FAM91A1: variants seen among roughly 807,000 people sequenced by gnomAD.
The protein encoded by FAM91A1 is protein FAM91A1.
Under a neutral mutation model 113.5 loss-of-function variants are expected in FAM91A1, and 41 were observed. The ratio of observed to expected loss-of-function variants is 0.36; its 90% CI spans 0.28 to 0.47. FAM91A1 has a LOEUF of 0.47. FAM91A1 is among the 20% of genes least tolerant of loss of function. The pLI is 1.00. For missense variants in FAM91A1, 696 were observed against 1,001.2 expected (o/e 0.70, Z 4.11); for synonymous variants, 307 against 347.9 (o/e 0.88, Z 1.31).
intron 11 of FAM91A1, chr8:123,785,978 C>T (rs1197323622): frequency 2.2e-6 from 1 of 458,102 alleles, no homozygotes; most frequent in Non-Finnish European, 4.2e-6. Flanking sequence ...CCACCATGCC[C>T]AGCTAATTTT....
intron 20 of FAM91A1, among the ~76,000 whole-genome samples, chr8:123,806,901 CT>C (rs111568076): frequency 0.18 from 25,765 of 146,102 alleles, 2,643 homozygotes; most frequent in African/African-American, 0.29. Context: ...ATATCACTTA[CT>C]TTTTTTTTTT....
chr8:123,787,579 T>C, intron 13 of FAM91A1, 85 bp from the exon 14 acceptor site: 1 of 1,185,198 alleles, frequency 8.4e-7, no homozygotes. Context: ...TTAAATATAT[T>C]TGAAAGGATA....
chr8:123,783,260 A>C (rs1317792953), intron 8 of FAM91A1, among the ~76,000 whole-genome samples: 2 of 152,222 alleles, frequency 1.3e-5, no homozygotes, highest in African/African-American at 4.8e-5. Flanking sequence ...GGATTAAATG[A>C]AAATGTATAT....
Position 123,777,398 on chromosome 8 carries a change from C to A in FAM91A1, c.367+76C>A, listed in dbSNP as rs1018692372. The A allele has an allele frequency of 3.7e-6, 5 of 1,344,404 alleles. No individual in the cohort carries two copies. The African/African-American group carries it at 5.9e-5, about 16-fold the overall frequency. 83.3% of individuals were successfully genotyped at this position (1,344,404 alleles called of 1,614,324 possible). ...GCATCCTGTCATCTGTGAATATTGT[C>A]ATGTGTGTTTTTAACCTGAAATATG... is the stretch of plus-strand genomic sequence containing the variant. On this transcript the variant is annotated intron_variant, in intron 4 of 23. Coordinates refer to ENST00000334705, the MANE Select transcript of FAM91A1 (RefSeq NM_144963.4).
chr8:123,792,779 C>T (rs1815416584), intron 15 of FAM91A1, among the ~76,000 whole-genome samples: 1 of 152,118 alleles, frequency 6.6e-6, no homozygotes, highest in Admixed American at 6.6e-5. Context: ...TGGGAAGGGG[C>T]TTAGTGCAAG....
chr8:123,811,897 A>G (rs1234196341), intron 23 of FAM91A1, among the ~76,000 whole-genome samples: 3 of 151,966 alleles, frequency 2.0e-5, no homozygotes, highest in African/African-American at 7.3e-5. Flanking sequence ...CCCGAGATGG[A>G]GTCTGGCTGT....
At position 123,787,653 on chromosome 8, in the gene FAM91A1, C is replaced by A; in HGVS notation, c.1192-11C>A. 1.2e-6 allele frequency: 2 copies of A among 1,604,310 alleles called. No homozygotes were observed. The highest frequency in any genetic ancestry group is 1.7e-6 in the Non-Finnish European group (2 of 1,175,546). ...GAAGTAGAACTTTAATATTTTGTTT[C>A]TTTTTTTCAGAACTTGAAAAGTCAT... On this transcript the variant is annotated splice_polypyrimidine_tract_variant and intron_variant, in intron 13 of 23. Coordinates refer to ENST00000334705, the MANE Select transcript of FAM91A1 (RefSeq NM_144963.4).
chr8:123,775,098 A>C (rs759403918), intron 2 of FAM91A1, 49 bp from the exon 3 acceptor site: 1 of 1,508,792 alleles, frequency 6.6e-7, no homozygotes, highest in East Asian at 2.3e-5. Context: ...GTTAATATAT[A>C]ACTATAAGAA....
At chr8:123,781,741 T>C (rs1270144024) in intron 8 of FAM91A1, among the ~76,000 whole-genome samples, 1 of 152,176 alleles carries the variant, frequency 6.6e-6, no homozygotes, top group Non-Finnish European at 1.5e-5. Flanking sequence ...CGCCTCGGCC[T>C]CCCAAAGTGC....
At chr8:123,806,273 G>A (rs911066596) in intron 20 of FAM91A1, 44 bp downstream of exon 20, 2 of 1,570,678 alleles carry the variant, frequency 1.3e-6, no homozygotes, top group African/African-American at 1.3e-5. Flanking sequence ...AATTGGTTTT[G>A]AGTTTGACAC....
chr8:123,815,373 T>A lies in FAM91A1; in HGVS notation c.*2669T>A, dbSNP rs1816048322. 6.6e-6 allele frequency: 1 copy of A among 152,580 alleles called. No individual in the cohort carries two copies. Among genetic ancestry groups the A allele is most frequent in the Admixed American group, 6.5e-5 (1 of 15,282 alleles). 9.5% of individuals were successfully genotyped at this position (152,580 alleles called of 1,614,324 possible). A position where few individuals can be genotyped will look rare whatever the true frequency, so the allele number is the denominator to read the frequency against. On this transcript the variant is annotated 3_prime_UTR_variant, in exon 24 of 24. Coordinates refer to ENST00000334705, the MANE Select transcript of FAM91A1 (RefSeq NM_144963.4). ...TGTTAATATTATACAATGAAATCTA[T>A]AAAGTGTTGTCAATTTGATTATTGA...
rs1220930777 is a variant in FAM91A1, at chr8:123,787,665, A to G, written c.1193A>G (p.Asn398Ser). The stretch of plus-strand genomic sequence containing the variant: ...TAATATTTTGTTTCTTTTTTTCAGA[A>G]CTTGAAAAGTCATGCAGTCACAATG... ...AFLMMGNLSP[N>S]LKSHAVTMFE... Residue 398 changes from asparagine to serine, a missense_variant and splice_region_variant, in exon 14 of 24, where the codon AAC (asparagine) becomes AGC (serine). Physicochemically the swap from Asn to Ser is conservative, Grantham distance 46 (BLOSUM62 1). Coordinates refer to ENST00000334705, the MANE Select transcript of FAM91A1 (RefSeq NM_144963.4). 6.2e-7 allele frequency: 1 copy of G among 1,608,740 alleles called. No individual in the cohort carries two copies. Among genetic ancestry groups the G allele is most frequent in the African/African-American group, 1.3e-5 (1 of 74,538 alleles).
At chr8:123,785,014 T>A in intron 9 of FAM91A1, 67 bp from the exon 10 acceptor site, 1 of 1,173,260 alleles carries the variant, frequency 8.5e-7, no homozygotes, top group Non-Finnish European at 1.2e-6. Context: ...TATATTGGTC[T>A]ATTACAACTG....
intron 18 of FAM91A1, among the ~76,000 whole-genome samples, chr8:123,802,637 A>G (rs1359726217): frequency 1.3e-5 from 2 of 152,216 alleles, no homozygotes; most frequent in African/African-American, 4.8e-5. Flanking sequence ...AAGTGTCAGC[A>G]TCAGGTGGTA....
intron 3 of FAM91A1, among the ~76,000 whole-genome samples, chr8:123,776,144 T>C (rs1814979000): frequency 6.6e-6 from 1 of 152,252 alleles, no homozygotes; most frequent in Non-Finnish European, 1.5e-5. Flanking sequence ...TTAGCCTTTT[T>C]CCAAAGACAG....
intron 13 of FAM91A1, 121 bp from the exon 14 acceptor site, chr8:123,787,543 A>G: frequency 1.0e-6 from 1 of 990,670 alleles, no homozygotes; most frequent in Non-Finnish European, 1.5e-6. Context: ...TGGAAGAATT[A>G]GCCCCTCACC....
At position 123,812,989 on chromosome 8, in the gene FAM91A1, G is replaced by A. The variant is rs1474564135; in HGVS notation, c.*285G>A. 1 of 235,326 alleles carries A rather than the reference G, an allele frequency of 4.2e-6. No individual in the cohort carries two copies. The highest frequency in any genetic ancestry group is 8.2e-6 in the Non-Finnish European group (1 of 122,640). 14.6% of individuals were successfully genotyped at this position (235,326 alleles called of 1,614,324 possible). A position where few individuals can be genotyped will look rare whatever the true frequency, so the allele number is the denominator to read the frequency against. On this transcript the variant is annotated 3_prime_UTR_variant, in exon 24 of 24. Transcript: ENST00000334705. ...ATACTTTATAGGCTTTATGATGACT[G>A]TTATGTTTATAAGCAGTCACTATGA...
chr8:123,779,889 CAT>C, intron 6 of FAM91A1, 94 bp from the exon 7 acceptor site: 1 of 946,680 alleles, frequency 1.1e-6, no homozygotes. Flanking sequence ...GAGCTAATGA[CAT>C]GTAATCACTG....
At chr8:123,804,534 G>A (rs1815759774) in intron 18 of FAM91A1, among the ~76,000 whole-genome samples, 1 of 120,826 alleles carries the variant, frequency 8.3e-6, no homozygotes, top group South Asian at 3.1e-4. Flanking sequence ...GGTATAGGTC[G>A]AAAAGTATCA....
Sources: gnomAD v4.1 joint callset for allele counts (sites outside exome capture counted in the v4.1 genomes callset) on GRCh38, gnomAD v4.1.1 for gene constraint, MANE v1.5 for transcripts, NCBI Gene and HGNC (gene_info 2026-07-23, HGNC 2026-07-21) for gene names.